The following DIP2C variants were observed in gnomAD, a reference collection of about 807,000 sequenced individuals.
The protein encoded by DIP2C is disco-interacting protein 2 homolog C.
DIP2C carries 33 observed loss-of-function variants against 192.4 expected under a neutral mutation model. That is an observed-to-expected ratio of 0.17 (90% CI 0.13 to 0.23). The LOEUF (loss-of-function observed/expected upper bound fraction) is 0.23, where lower values mean the gene tolerates loss of function less well. Ranked by LOEUF, DIP2C falls within the 10% of genes least tolerant of loss-of-function variation. The pLI, the probability that DIP2C is intolerant of heterozygous loss-of-function variation, is 1.00. For missense variants in DIP2C, 1,537 were observed against 2,110.1 expected (o/e 0.73, Z 5.32); for synonymous variants, 979 against 864.1 (o/e 1.13, Z -2.33).
rs528395895 is a variant in DIP2C, at chr10:580,175, C to T, written c.86-93645G>A. On this transcript the variant is annotated intron_variant, in intron 1 of 36. Coordinates refer to ENST00000280886, the MANE Select transcript of DIP2C (RefSeq NM_014974.3). Reference sequence around the variant, plus strand: ...CGATGTACAGTGCACTACAGCATGCCTACACATGCGTAGTGTATACATATG... The same window carrying T: ...CGATGTACAGTGCACTACAGCATGCTTACACATGCGTAGTGTATACATATG... Among the ~76,000 whole-genome samples the T allele has an allele frequency of 5.3e-5, 8 of 152,176 alleles. No individual in the cohort carries two copies. In the South Asian group the frequency reaches 1.5e-3, roughly 28 times the overall value.
chr10:315,360 A>G (rs764535875), intron 31 of DIP2C, among the ~76,000 whole-genome samples: 9 of 152,150 alleles, frequency 5.9e-5, no homozygotes, highest in African/African-American at 1.4e-4. Flanking sequence ...TCATTTTGCT[A>G]TCATTTATTT....
At chr10:348,536 C>A (rs1958631296) in intron 26 of DIP2C, 105 bp downstream of exon 26, 1 of 1,529,210 alleles carries the variant, frequency 6.5e-7, no homozygotes, top group Admixed American at 2.1e-5. Context: ...CACACCCCGG[C>A]TTCCACAGCC....
intron 1 of DIP2C, among the ~76,000 whole-genome samples, chr10:549,669 G>A (rs972425925): frequency 1.3e-5 from 2 of 152,138 alleles, no homozygotes; most frequent in African/African-American, 2.4e-5. Flanking sequence ...GGCCCCCCCC[G>A]ACCAGGTGCT....
At chr10:472,295 T>C in intron 3 of DIP2C, 144 bp downstream of exon 3, 1 of 596,384 alleles carries the variant, frequency 1.7e-6, no homozygotes. Context: ...CCCGAGAGGG[T>C]GTGTCCGTGC....
intron 1 of DIP2C, among the ~76,000 whole-genome samples, chr10:557,289 C>G (rs1045698464): frequency 2.6e-5 from 4 of 152,216 alleles, no homozygotes; most frequent in Admixed American, 6.5e-5. Context: ...CAGATAGCCA[C>G]AGCCCTGGAC....
Position 689,443 on chromosome 10 carries a change from C to T in DIP2C, c.85+51G>A. On this transcript the variant is annotated intron_variant, in intron 1 of 36. Transcript: ENST00000280886. The surrounding 1 kb of genome is among the most constrained non-coding windows in gnomAD (Gnocchi z 6.1). ...CCCCGCGCCCCCAGCCCTCCGCGCG[C>T]GGCCCTCCCCGGTGACAGCGCGGCC... The T allele has an allele frequency of 1.9e-6, 2 of 1,029,860 alleles. No individual in the cohort carries two copies. Among genetic ancestry groups the T allele is most frequent in the South Asian group, 3.5e-5 (1 of 28,176 alleles). The allele number at this position is 1,029,860 out of a possible 1,614,324, so 63.8% of individuals were successfully genotyped here. A position where few individuals can be genotyped will look rare whatever the true frequency, so the allele number is the denominator to read the frequency against.
At chr10:533,209 G>T (rs189503431) in intron 1 of DIP2C, among the ~76,000 whole-genome samples, 3 of 152,184 alleles carry the variant, frequency 2.0e-5, no homozygotes, top group African/African-American at 7.2e-5. Context: ...CAGCATCTCC[G>T]GTATGAGGAG....
intron 1 of DIP2C, among the ~76,000 whole-genome samples, chr10:545,923 G>A (rs1588433827): frequency 6.6e-6 from 1 of 152,256 alleles, no homozygotes; most frequent in South Asian, 2.1e-4. Flanking sequence ...GGTTTAAGCC[G>A]GTGGTTTTCA....
chr10:329,909 CCT>C lies in DIP2C; in HGVS notation c.3585-310_3585-309del, dbSNP rs541884446. On this transcript the variant is annotated intron_variant, in intron 29 of 36. Transcript: ENST00000280886. ...GACCTGCGACATCAGCAAACTGGAT[CCT>C]CTTTCTTAGTAGAAAACACAGGGAT... Among the ~76,000 whole-genome samples, 5 of 152,192 alleles carry C rather than the reference CCT, an allele frequency of 3.3e-5. No homozygotes were observed. The South Asian group carries it at 1.0e-3, about 32-fold the overall frequency.
intron 1 of DIP2C, among the ~76,000 whole-genome samples, chr10:549,026 A>G (rs1012134895): frequency 6.6e-6 from 1 of 151,582 alleles, no homozygotes; most frequent in Non-Finnish European, 1.5e-5. Flanking sequence ...TGAATGGGGG[A>G]AAAAGCCAAG....
chr10:493,364 A>G (rs1004448197), intron 1 of DIP2C, among the ~76,000 whole-genome samples: 7 of 152,194 alleles, frequency 4.6e-5, no homozygotes, highest in South Asian at 2.1e-4. Flanking sequence ...TCCCTTTCCC[A>G]TGACATTGAT....
intron 6 of DIP2C, among the ~76,000 whole-genome samples, chr10:417,734 G>A (rs12774999): frequency 0.023 from 2,316 of 100,086 alleles, 265 homozygotes; most frequent in Non-Finnish European, 0.027. Flanking sequence ...GTCTGCCTGC[G>A]CCTGTCAGGG....
chr10:540,505 C>T (rs1847920737), intron 1 of DIP2C, among the ~76,000 whole-genome samples: 1 of 152,170 alleles, frequency 6.6e-6, no homozygotes, highest in Admixed American at 6.5e-5. Flanking sequence ...TTCTCCTTGC[C>T]CCTTCTCTCA....
At chr10:479,561 C>A (rs1843432449) in intron 2 of DIP2C, among the ~76,000 whole-genome samples, 2 of 152,022 alleles carry the variant, frequency 1.3e-5, no homozygotes, top group African/African-American at 4.8e-5. Flanking sequence ...ATCTTGAACT[C>A]TTGACCTCAT....
chr10:548,911 C>CCAAAAAAAAAAAAA (rs1348217783), intron 1 of DIP2C, among the ~76,000 whole-genome samples: 1 of 26,458 alleles, frequency 3.8e-5, no homozygotes, highest in African/African-American at 1.3e-4. Context: ...TAGCAGCTCA[C>CCAAAAAAAAAAAAA]AAAAAAAAAA....
At chr10:429,249 TC>T (rs1226039906) in intron 4 of DIP2C, among the ~76,000 whole-genome samples, 4 of 5,124 alleles carry the variant, frequency 7.8e-4, no homozygotes, top group African/African-American at 5.0e-3. Flanking sequence ...CCTGGCTGCC[TC>T]CCCCCCGGAC....
At position 493,410 on chromosome 10, in the gene DIP2C, T is replaced by C. The variant is rs538360565; in HGVS notation, c.86-6880A>G. Among the ~76,000 whole-genome samples the C allele has an allele frequency of 2.0e-4, 31 of 152,186 alleles. No homozygotes were observed. In the South Asian group the frequency reaches 6.4e-3, roughly 32 times the overall value. ...GCAGATCTCAGGCCTCAGCAGTAAG[T>C]TGGTTTCAGTGGATGTTGTATTTAC... On this transcript the variant is annotated intron_variant, in intron 1 of 36. Coordinates refer to ENST00000280886, the MANE Select transcript of DIP2C (RefSeq NM_014974.3).
chr10:487,768 AG>A (rs1844134311), intron 1 of DIP2C, among the ~76,000 whole-genome samples: 1 of 151,770 alleles, frequency 6.6e-6, no homozygotes, highest in African/African-American at 2.4e-5. Flanking sequence ...TAGTAGAGAC[AG>A]GGTTTCACCA....
chr10:624,086 C>T (rs188633318), intron 1 of DIP2C, among the ~76,000 whole-genome samples: 148 of 152,350 alleles, frequency 9.7e-4, no homozygotes, highest in Admixed American at 2.0e-3. Context: ...CCCCTGAGTG[C>T]GAGGACTCGG....
Sources: gnomAD v4.1 joint callset for allele counts (sites outside exome capture counted in the v4.1 genomes callset) on GRCh38, gnomAD v4.1.1 for gene constraint, Gnocchi (gnomAD v3.1) non-coding constraint, MANE v1.5 for transcripts, NCBI Gene and HGNC (gene_info 2026-07-23, HGNC 2026-07-21) for gene names.